Variants in PINX1 observed in about 807,000 individuals in gnomAD.
The protein encoded by PINX1 is PIN2 (TERF1) interacting telomerase inhibitor 1.
PINX1 carries 34 observed loss-of-function variants against 25.4 expected under a neutral mutation model. That is an observed-to-expected ratio of 1.34 (90% CI 1.02 to 1.78). The LOEUF is 1.78. Ranked by LOEUF, PINX1 falls within the 40% of genes most tolerant of loss-of-function variation. The pLI is 0.00. For missense variants in PINX1, 592 were observed against 404.9 expected (o/e 1.46, Z -3.97); for synonymous variants, 197 against 147.7 (o/e 1.33, Z -2.42).
chr8:10,774,501 G>C (rs547614388), intron 6 of PINX1, among the ~76,000 whole-genome samples: 1 of 152,016 alleles, frequency 6.6e-6, no homozygotes, highest in Admixed American at 6.6e-5. Flanking sequence ...GGCTGGTCTC[G>C]AACTCCCGAC....
intron 4 of PINX1, among the ~76,000 whole-genome samples, chr8:10,830,018 G>A (rs961552797): frequency 9.9e-5 from 15 of 152,168 alleles, no homozygotes; most frequent in African/African-American, 1.4e-4. Context: ...AACTGTGATC[G>A]TAAATATCAA....
In PINX1 at chr8:10,793,044, C is replaced by G. The variant is rs191077768; in HGVS notation, c.472-27128G>C. On this transcript the variant is annotated intron_variant, in intron 6 of 6. Coordinates refer to ENST00000314787, the MANE Select transcript of PINX1 (RefSeq NM_017884.6). ...CCAAATGAACGTGTTTCCCGGCGTG[C>G]CATTCTGACCCTCGCTAACATCTAC... is the stretch of plus-strand genomic sequence containing the variant. 1.2e-3 allele frequency among the ~76,000 whole-genome samples: 186 copies of G among 152,216 alleles called. 3 individuals are homozygous for G. In the South Asian group the frequency reaches 0.034, roughly 28 times the overall value.
At chr8:10,823,006 G>A (rs1048386657) in intron 5 of PINX1, among the ~76,000 whole-genome samples, 1 of 152,202 alleles carries the variant, frequency 6.6e-6, no homozygotes, top group African/African-American at 2.4e-5. Flanking sequence ...ACCGAGGGCA[G>A]AAGATAAGGG....
chr8:10,765,494 C>A lies in PINX1; in HGVS notation c.894G>T (p.Gly298=), dbSNP rs754805002. The A allele has an allele frequency of 6.2e-7, 1 of 1,613,616 alleles. No individual in the cohort carries two copies. The highest frequency in any genetic ancestry group is 1.7e-5 in the Admixed American group (1 of 60,034). The part of the protein sequence containing the change: ...DFTLKPKKRR[G]KKKLQKPVEI... ...CTACTGGTTTTTGCAGCTTTTTCTT[C>A]CCTCTCCTCTTTTTGGGCTTCAGGG... is the stretch of plus-strand genomic sequence containing the variant. Residue 298 remains glycine (G), a synonymous_variant, in exon 7 of 7, where the codon GGG becomes GGT. Transcript: ENST00000314787.
At chr8:10,795,360 A>C (rs1391338103) in intron 6 of PINX1, among the ~76,000 whole-genome samples, 1 of 152,208 alleles carries the variant, frequency 6.6e-6, no homozygotes, top group East Asian at 1.9e-4. Flanking sequence ...GATGCCAGCA[A>C]AATTTTTAAC....
At chr8:10,766,013 C>T (rs1049779697) in intron 6 of PINX1, 97 bp from the exon 7 acceptor site, 1 of 1,218,046 alleles carries the variant, frequency 8.2e-7, no homozygotes, top group Non-Finnish European at 1.2e-6. Flanking sequence ...ACACCTGGCA[C>T]CCACACCCGG....
At position 10,765,670 on chromosome 8, in the gene PINX1, G is replaced by A. The variant is rs749843166; in HGVS notation, c.718C>T (p.Pro240Ser). 24 of 1,613,866 alleles carry A rather than the reference G, an allele frequency of 1.5e-5. No individual in the cohort carries two copies. In the South Asian group the frequency reaches 2.5e-4, roughly 17 times the overall value. ...PKAKRHTEGK[P>S]ERAEAQERVA... ...CGCTCCTGGGCCTCGGCCCTCTCGG[G>A]CTTTCCCTCCGTGTGCCTCTTGGCC... is the stretch of plus-strand genomic sequence containing the variant. The change falls in exon 7 of 7, where the codon CCC becomes TCC. Residue 240 changes from proline to serine, a missense_variant. By Grantham distance (74) the Pro-to-Ser change is moderately conservative. Transcript: ENST00000314787.
chr8:10,820,162 C>T (rs771316138), intron 6 of PINX1, 31 bp downstream of exon 6: 29 of 1,352,000 alleles, frequency 2.1e-5, no homozygotes, highest in Admixed American at 1.2e-4. Context: ...AGTATTAAAG[C>T]GGAACACGGA....
chr8:10,834,616 T>G (rs766980471), intron 2 of PINX1, 50 bp downstream of exon 2: 1 of 1,593,544 alleles, frequency 6.3e-7, no homozygotes, highest in South Asian at 1.1e-5. Context: ...TCCCCTAATT[T>G]CTAATCTCTT....
chr8:10,826,269 A>T, intron 4 of PINX1, 25 bp from the exon 5 acceptor site: 2 of 1,249,666 alleles, frequency 1.6e-6, no homozygotes, highest in Non-Finnish European at 2.3e-6. Flanking sequence ...AAAAAAATAC[A>T]TTAAAGTCTT....
chr8:10,797,401 C>T (rs1375061893), intron 6 of PINX1, among the ~76,000 whole-genome samples: 2 of 152,194 alleles, frequency 1.3e-5, no homozygotes, highest in African/African-American at 4.8e-5. Flanking sequence ...TTAGCTCAAG[C>T]CTGCTAGCAG....
intron 6 of PINX1, among the ~76,000 whole-genome samples, chr8:10,767,301 GATA>G (rs1174173879): frequency 1.3e-5 from 2 of 152,086 alleles, no homozygotes; most frequent in Non-Finnish European, 2.9e-5. Flanking sequence ...TGGAATCCAA[GATA>G]ATGTCCCAGT....
chr8:10,772,594 C>G (rs985361410), intron 6 of PINX1, among the ~76,000 whole-genome samples: 2 of 152,208 alleles, frequency 1.3e-5, no homozygotes, highest in African/African-American at 4.8e-5. Flanking sequence ...CTAAACGCAC[C>G]AAGTCTCGGC....
chr8:10,814,763 A>G (rs1307038144), intron 6 of PINX1, among the ~76,000 whole-genome samples: 1 of 152,216 alleles, frequency 6.6e-6, no homozygotes, highest in East Asian at 1.9e-4. Context: ...CATTTTTTAA[A>G]AAGAGAAGAA....
At position 10,765,502 on chromosome 8, in the gene PINX1, T is replaced by G; in HGVS notation, c.886A>C (p.Arg296=). 1 of 1,613,734 alleles carries G rather than the reference T, an allele frequency of 6.2e-7. No homozygotes were observed. The highest frequency in any genetic ancestry group is 1.6e-4 in the Middle Eastern group (1 of 6,062). Residue 296 remains arginine, a synonymous_variant, in exon 7 of 7, where the codon AGG becomes CGG. Transcript: ENST00000314787. ...TTTTGCAGCTTTTTCTTCCCTCTCC[T>G]CTTTTTGGGCTTCAGGGTGAAGTCC... ...GRDFTLKPKK[R]RGKKKLQKPV... is the part of the protein sequence containing the mutation.
intron 6 of PINX1, among the ~76,000 whole-genome samples, chr8:10,777,978 G>A (rs543132011): frequency 7.9e-5 from 12 of 152,286 alleles, no homozygotes; most frequent in Admixed American, 1.3e-4. Flanking sequence ...GGGATAATCC[G>A]CCTCACAGTG....
intron 4 of PINX1, among the ~76,000 whole-genome samples, chr8:10,831,328 TA>T (rs1798220634): frequency 6.6e-6 from 1 of 152,224 alleles, no homozygotes; most frequent in South Asian, 2.1e-4. Context: ...CTAATGGATA[TA>T]AAAGTCCCAC....
Position 10,820,189 on chromosome 8 carries a change from A to T in PINX1, c.471+4T>A, listed in dbSNP as rs61757720. Reference sequence around the variant, plus strand: ...GAACACGGAAACTGTACGTGGCTTTATACCTCGGGAGTCTTCTTACTCTGT... The same window carrying T: ...GAACACGGAAACTGTACGTGGCTTTTTACCTCGGGAGTCTTCTTACTCTGT... On this transcript the variant is annotated splice_donor_region_variant and intron_variant, in intron 6 of 6. Coordinates refer to ENST00000314787, the MANE Select transcript of PINX1 (RefSeq NM_017884.6). The T allele has an allele frequency of 2.3e-4, 363 of 1,592,472 alleles. 4 individuals carry two copies. In the East Asian group the frequency reaches 6.1e-3, roughly 27 times the overall value.
intron 6 of PINX1, among the ~76,000 whole-genome samples, chr8:10,790,127 C>G (rs533564256): frequency 2.0e-4 from 31 of 152,256 alleles, no homozygotes; most frequent in African/African-American, 7.2e-4. Flanking sequence ...CTCCTCATCC[C>G]TTTCCCTTCC....
Sources: gnomAD v4.1 joint callset for allele counts (sites outside exome capture counted in the v4.1 genomes callset) on GRCh38, gnomAD v4.1.1 for gene constraint, MANE v1.5 for transcripts, NCBI Gene and HGNC (gene_info 2026-07-23, HGNC 2026-07-21) for gene names.